Variants in GRM8 observed in about 807,000 individuals in gnomAD.
GRM8 encodes the protein glutamate metabotropic receptor 8.
A neutral mutation model predicts 87.2 loss-of-function variants in GRM8; 47 were observed. That is an observed-to-expected ratio of 0.54 (90% CI 0.43 to 0.69). The LOEUF (loss-of-function observed/expected upper bound fraction) is 0.69, where lower values mean the gene tolerates loss of function less well. Among genes scored for constraint, GRM8 ranks in the 30% least tolerant of loss-of-function variants. GRM8 has a pLI of 0.00. For missense variants in GRM8, 1,019 were observed against 1,139.2 expected (o/e 0.89, Z 1.52); for synonymous variants, 396 against 404.5 (o/e 0.98, Z 0.25).
intron 6 of GRM8, among the ~76,000 whole-genome samples, chr7:126,864,877 C>G (rs950790677): frequency 1.3e-5 from 2 of 151,974 alleles, no homozygotes; most frequent in African/African-American, 4.8e-5. Context: ...GTAGCAGTTA[C>G]AGGCCAAGTT....
At chr7:127,060,088 A>G (rs1249419773) in intron 3 of GRM8, among the ~76,000 whole-genome samples, 1 of 152,226 alleles carries the variant, frequency 6.6e-6, no homozygotes, top group Non-Finnish European at 1.5e-5. Flanking sequence ...TAGACATAAC[A>G]AAAGAATAAA....
intron 9 of GRM8, among the ~76,000 whole-genome samples, chr7:126,456,234 C>T (rs17606274): frequency 0.28 from 42,489 of 151,118 alleles, 6,641 homozygotes; most frequent in East Asian, 0.43. Context: ...GACCAAGATC[C>T]TAGTAAGGAA....
chr7:127,105,103 T>C (rs1004428599), intron 3 of GRM8, among the ~76,000 whole-genome samples: 1 of 152,206 alleles, frequency 6.6e-6, no homozygotes, highest in Admixed American at 6.5e-5. Flanking sequence ...AAATAATACA[T>C]TAACCCTGTT....
chr7:126,883,318 CCTT>C (rs1800190673), intron 6 of GRM8, among the ~76,000 whole-genome samples: 1 of 152,094 alleles, frequency 6.6e-6, no homozygotes, highest in African/African-American at 2.4e-5. Flanking sequence ...AAGAAATAGG[CCTT>C]CTTCTATTTT....
At chr7:126,625,523 T>A (rs1186583616) in intron 7 of GRM8, among the ~76,000 whole-genome samples, 2 of 131,712 alleles carry the variant, frequency 1.5e-5, no homozygotes, top group Admixed American at 7.5e-5. Context: ...AAAACTGAGA[T>A]AACAGTAATT....
intron 7 of GRM8, among the ~76,000 whole-genome samples, chr7:126,614,683 C>T (rs1210498664): frequency 6.6e-6 from 1 of 152,048 alleles, no homozygotes; most frequent in Non-Finnish European, 1.5e-5. Context: ...CCTTAAATGA[C>T]CTGATGGAGC....
At chr7:126,718,163 G>T (rs569404888) in intron 7 of GRM8, among the ~76,000 whole-genome samples, 9 of 152,170 alleles carry the variant, frequency 5.9e-5, no homozygotes, top group African/African-American at 1.9e-4. Flanking sequence ...CGTGAATCCA[G>T]GAGTGGGAGC....
chr7:126,772,919 C>T lies in GRM8; in HGVS notation c.1157-2854G>A, dbSNP rs1007166591. Among the ~76,000 whole-genome samples the T allele has an allele frequency of 1.6e-4, 25 of 152,102 alleles. 1 individual carries two copies. Among genetic ancestry groups the T allele is most frequent in the Non-Finnish European group, 5.9e-5 (4 of 68,016 alleles). On this transcript the variant is annotated intron_variant, in intron 6 of 10. Transcript: ENST00000339582. Reference sequence around the variant, plus strand: ...TTTTCTAAGTTAAAATGTCAGAGGGCTAATTTAATTGTCCTGAAATTAGGC... The same window carrying T: ...TTTTCTAAGTTAAAATGTCAGAGGGTTAATTTAATTGTCCTGAAATTAGGC...
intron 7 of GRM8, among the ~76,000 whole-genome samples, chr7:126,750,912 G>T (rs1816341615): frequency 6.6e-6 from 1 of 151,986 alleles, no homozygotes; most frequent in South Asian, 2.1e-4. Context: ...CTGTAATTAG[G>T]ACTACAACTA....
chr7:126,828,194 C>T (rs1191880888), intron 6 of GRM8, among the ~76,000 whole-genome samples: 2 of 152,012 alleles, frequency 1.3e-5, no homozygotes, highest in Non-Finnish European at 2.9e-5. Flanking sequence ...GTGTCTCTGC[C>T]CGGCTTTGGT....
chr7:126,606,490 C>T (rs1352859813), intron 8 of GRM8, among the ~76,000 whole-genome samples: 3 of 152,018 alleles, frequency 2.0e-5, no homozygotes, highest in African/African-American at 7.2e-5. Flanking sequence ...TAGTGCTTTG[C>T]CATAGATCTA....
At chr7:126,521,467 T>C (rs1346965182) in intron 9 of GRM8, among the ~76,000 whole-genome samples, 1 of 152,050 alleles carries the variant, frequency 6.6e-6, no homozygotes, top group African/African-American at 2.4e-5. Flanking sequence ...ATTTGATTGG[T>C]TGAAAACTAG....
At chr7:126,755,496 G>A (rs540361730) in intron 7 of GRM8, among the ~76,000 whole-genome samples, 9 of 152,014 alleles carry the variant, frequency 5.9e-5, no homozygotes, top group African/African-American at 2.2e-4. Flanking sequence ...TTAGAAAAAG[G>A]AGCAATGTAC....
intron 8 of GRM8, among the ~76,000 whole-genome samples, chr7:126,579,634 T>G (rs1795427475): frequency 6.6e-6 from 1 of 152,154 alleles, no homozygotes; most frequent in Admixed American, 6.6e-5. Flanking sequence ...GAAAAAGTAG[T>G]TGGTATTCTA....
At chr7:127,040,298 A>G (rs1232507934) in intron 3 of GRM8, among the ~76,000 whole-genome samples, 3 of 152,008 alleles carry the variant, frequency 2.0e-5, no homozygotes, top group Non-Finnish European at 4.4e-5. Flanking sequence ...TTGTCAGTTT[A>G]TTACATTCCA....
At chr7:127,040,594 T>C (rs1043648048) in intron 3 of GRM8, among the ~76,000 whole-genome samples, 4 of 76,244 alleles carry the variant, frequency 5.2e-5, no homozygotes, top group African/African-American at 2.3e-4. Flanking sequence ...GTTACTTCTG[T>C]ATTCCTTGTG....
At chr7:126,839,818 T>C (rs1268861975) in intron 6 of GRM8, among the ~76,000 whole-genome samples, 1 of 152,154 alleles carries the variant, frequency 6.6e-6, no homozygotes, top group Non-Finnish European at 1.5e-5. Context: ...ACAACCTTAC[T>C]GGGGAGCTCA....
intron 8 of GRM8, among the ~76,000 whole-genome samples, chr7:126,585,400 T>C (rs909725153): frequency 6.6e-6 from 1 of 152,192 alleles, no homozygotes; most frequent in Non-Finnish European, 1.5e-5. Context: ...TTAAGTTCAT[T>C]TGTGCCTTAA....
chr7:126,542,220 A>C (rs1233224555), intron 8 of GRM8, among the ~76,000 whole-genome samples: 1 of 152,206 alleles, frequency 6.6e-6, no homozygotes, highest in Non-Finnish European at 1.5e-5. Context: ...ACCCTAGAAA[A>C]CTAATTTAGG....
Sources: gnomAD v4.1 joint callset for allele counts (sites outside exome capture counted in the v4.1 genomes callset) on GRCh38, gnomAD v4.1.1 for gene constraint, MANE v1.5 for transcripts, NCBI Gene and HGNC (gene_info 2026-07-23, HGNC 2026-07-21) for gene names.